Variants in MYO1D observed in about 807,000 individuals in gnomAD.
MYO1D encodes unconventional myosin-Id.
MYO1D carries 83 observed loss-of-function variants against 122.0 expected under a neutral mutation model. The observed-to-expected ratio is 0.68, with a 90% CI of 0.57 to 0.82. The LOEUF (loss-of-function observed/expected upper bound fraction) is 0.82. Among genes scored for constraint, MYO1D ranks in the 40% least tolerant of loss-of-function variants. The pLI, the probability that MYO1D is intolerant of heterozygous loss-of-function variation, is 0.00. For synonymous variants in MYO1D, 464 were observed against 446.9 expected, an observed-to-expected ratio of 1.04 and a Z score of -0.48; for missense variants, 1,157 against 1,269.5, an observed-to-expected ratio of 0.91 and a Z score of 1.35.
At chr17:32,539,555 G>A (rs1910774656) in intron 21 of MYO1D, among the ~76,000 whole-genome samples, 1 of 152,116 alleles carries the variant, frequency 6.6e-6, no homozygotes, top group African/African-American at 2.4e-5. Context: ...CCAGCTTCGG[G>A]TGGCTGCCAG....
intron 10 of MYO1D, chr17:32,759,870 T>C (rs17183336): frequency 0.029 from 12,664 of 438,188 alleles, 276 homozygotes; most frequent in Middle Eastern, 0.047. Flanking sequence ...CAACATTAAC[T>C]GAAGACAATA....
chr17:32,756,964 T>A (rs2089953090), intron 10 of MYO1D, among the ~76,000 whole-genome samples: 1 of 152,180 alleles, frequency 6.6e-6, no homozygotes, highest in Admixed American at 6.5e-5. Context: ...TCAGGCAAGC[T>A]GCACATCTCA....
intron 7 of MYO1D, among the ~76,000 whole-genome samples, chr17:32,767,410 T>G (rs1211943536): frequency 6.6e-6 from 1 of 152,236 alleles, no homozygotes; most frequent in Middle Eastern, 3.2e-3. Context: ...ACAATACCAG[T>G]AAGACAATCA....
chr17:32,569,112 G>C (rs1194322269), intron 21 of MYO1D, among the ~76,000 whole-genome samples: 1 of 152,228 alleles, frequency 6.6e-6, no homozygotes, highest in Non-Finnish European at 1.5e-5. Context: ...ATTGAGGTCT[G>C]TGTTATAAAT....
At chr17:32,696,086 A>G (rs1416864025) in intron 16 of MYO1D, among the ~76,000 whole-genome samples, 1 of 152,226 alleles carries the variant, frequency 6.6e-6, no homozygotes, top group Non-Finnish European at 1.5e-5. Flanking sequence ...AGCTAATGGA[A>G]TATGTGCTTG....
intron 10 of MYO1D, among the ~76,000 whole-genome samples, chr17:32,759,605 T>C (rs1245704528): frequency 6.6e-6 from 1 of 152,132 alleles, no homozygotes; most frequent in African/African-American, 2.4e-5. Flanking sequence ...CTATGTCTCA[T>C]TTCTATCATA....
At chr17:32,826,343 A>G (rs1012181802) in intron 1 of MYO1D, among the ~76,000 whole-genome samples, 2 of 151,708 alleles carry the variant, frequency 1.3e-5, no homozygotes, top group Admixed American at 1.3e-4. Flanking sequence ...ATAGGAAGTC[A>G]ACAAAAGTTT....
At chr17:32,535,575 A>G (rs774169959) in intron 21 of MYO1D, among the ~76,000 whole-genome samples, 2 of 152,154 alleles carry the variant, frequency 1.3e-5, no homozygotes, top group African/African-American at 2.4e-5. Context: ...GTGAAACCCC[A>G]TCTCTACTAA....
intron 1 of MYO1D, among the ~76,000 whole-genome samples, chr17:32,876,220 G>A (rs1284374574): frequency 6.6e-6 from 1 of 152,088 alleles, no homozygotes; most frequent in Non-Finnish European, 1.5e-5. Flanking sequence ...GGAACAGACA[G>A]CTCAGGGATC....
chr17:32,866,310 T>C (rs2091124475), intron 1 of MYO1D, among the ~76,000 whole-genome samples: 1 of 152,206 alleles, frequency 6.6e-6, no homozygotes, highest in East Asian at 1.9e-4. Context: ...CTCTCTCTTC[T>C]AGACCCAAAG....
chr17:32,520,828 C>T (rs146927127), intron 21 of MYO1D, among the ~76,000 whole-genome samples: 2 of 152,340 alleles, frequency 1.3e-5, no homozygotes, highest in African/African-American at 2.4e-5. Flanking sequence ...AAAAATAATA[C>T]GCGTGAACTG....
At chr17:32,507,405 AAAAAACTCCCCC>A (rs879554984) in intron 21 of MYO1D, among the ~76,000 whole-genome samples, 33 of 152,312 alleles carry the variant, frequency 2.2e-4, no homozygotes, top group Admixed American at 2.0e-3. Context: ...CCCTATCTCA[AAAAAACTCCCCC>A]AAAAACAAAA....
chr17:32,582,180 G>T (rs2087348114), intron 21 of MYO1D, among the ~76,000 whole-genome samples: 1 of 152,150 alleles, frequency 6.6e-6, no homozygotes, highest in Non-Finnish European at 1.5e-5. Flanking sequence ...CTCCCAGATT[G>T]CTGGGATTAC....
intron 19 of MYO1D, among the ~76,000 whole-genome samples, chr17:32,643,614 T>C (rs1390496278): frequency 1.3e-5 from 2 of 152,238 alleles, no homozygotes; most frequent in African/African-American, 2.4e-5. Context: ...TATTGGTCTA[T>C]TAAGAGATTC....
At chr17:32,783,846 C>T (rs1392174793) in intron 1 of MYO1D, among the ~76,000 whole-genome samples, 1 of 152,164 alleles carries the variant, frequency 6.6e-6, no homozygotes, top group Non-Finnish European at 1.5e-5. Context: ...TCCTAGATGA[C>T]AAATAGGATG....
At chr17:32,701,887 C>A (rs193104331) in intron 16 of MYO1D, among the ~76,000 whole-genome samples, 4 of 152,318 alleles carry the variant, frequency 2.6e-5, no homozygotes, top group Non-Finnish European at 4.4e-5. Flanking sequence ...ACTCTTAACA[C>A]AACTGGAATA....
intron 15 of MYO1D, among the ~76,000 whole-genome samples, chr17:32,716,420 G>A (rs140458513): frequency 6.6e-6 from 1 of 152,200 alleles, no homozygotes; most frequent in African/African-American, 2.4e-5. Context: ...ATGAAGGCAG[G>A]GACTTTGTTT....
intron 21 of MYO1D, among the ~76,000 whole-genome samples, chr17:32,540,405 T>C (rs1297299314): frequency 6.7e-6 from 1 of 150,356 alleles, no homozygotes; most frequent in African/African-American, 2.5e-5. Flanking sequence ...ATATATCTGA[T>C]AAGGAACTTG....
At chr17:32,747,159 TG>T (rs1403981472) in intron 12 of MYO1D, among the ~76,000 whole-genome samples, 1 of 152,256 alleles carries the variant, frequency 6.6e-6, no homozygotes, top group African/African-American at 2.4e-5. Flanking sequence ...TATTATTTTA[TG>T]GTCCTAGAAT....
Sources: allele counts gnomAD v4.1 joint callset (sites outside exome capture counted in the v4.1 genomes callset), GRCh38; gene constraint gnomAD v4.1.1; transcripts MANE v1.5; gene names NCBI Gene and HGNC (gene_info 2026-07-23, HGNC 2026-07-21).